Variants in PRUNE2 observed in about 807,000 individuals in gnomAD.
The protein encoded by PRUNE2 is prune homolog 2 with BCH domain, also known as protein prune homolog 2.
In PRUNE2, 164 loss-of-function variants were observed where a neutral mutation model predicts 252.0. The ratio of observed to expected loss-of-function variants is 0.65; its 90% CI spans 0.57 to 0.74. The LOEUF is 0.74. Ranked by LOEUF, PRUNE2 falls within the 30% of genes least tolerant of loss-of-function variation. PRUNE2 has a pLI of 0.00. For missense variants in PRUNE2, 3,495 were observed against 3,711.0 expected (o/e 0.94, Z 1.51); for synonymous variants, 1,292 against 1,350.2 (o/e 0.96, Z 0.94).
At chr9:76,680,156 A>G (rs1220846575) in intron 9 of PRUNE2, among the ~76,000 whole-genome samples, 1 of 152,210 alleles carries the variant, frequency 6.6e-6, no homozygotes, top group Non-Finnish European at 1.5e-5. Flanking sequence ...AAACCCAACA[A>G]CAAAAATGTA....
rs142459162 is a variant in PRUNE2, at chr9:76,843,543, GT to G, written c.508+2971del. On this transcript the variant is annotated intron_variant, in intron 4 of 18. Transcript: ENST00000376718. ...GCACCCAAAAATCCAAAGTAACATG[GT>G]AGCTGCTTATAAAGAGAACCCTTTC... 4.7e-3 allele frequency among the ~76,000 whole-genome samples: 723 copies of G among 152,220 alleles called. 6 individuals carry two copies. The highest frequency in any genetic ancestry group is 0.016 in the African/African-American group (685 of 41,526).
At chr9:76,851,668 A>G (rs1473665587) in intron 2 of PRUNE2, among the ~76,000 whole-genome samples, 1 of 152,198 alleles carries the variant, frequency 6.6e-6, no homozygotes, top group East Asian at 1.9e-4. Flanking sequence ...TCAGAACGTC[A>G]GTCAGTAGAA....
At chr9:76,663,064 G>C (rs2039423188) in intron 9 of PRUNE2, among the ~76,000 whole-genome samples, 1 of 152,216 alleles carries the variant, frequency 6.6e-6, no homozygotes. Context: ...CTCCATTTAA[G>C]CCAGCAGTAC....
intron 1 of PRUNE2, among the ~76,000 whole-genome samples, chr9:76,870,883 A>G (rs2061160461): frequency 6.6e-6 from 1 of 152,054 alleles, no homozygotes; most frequent in African/African-American, 2.4e-5. Flanking sequence ...ACGGCAGCAA[A>G]GAGTACCTCA....
chr9:76,885,537 A>G (rs2062036762), intron 1 of PRUNE2, among the ~76,000 whole-genome samples: 1 of 152,194 alleles, frequency 6.6e-6, no homozygotes, highest in Non-Finnish European at 1.5e-5. Context: ...ACAACCATTA[A>G]TGTCTACAGA....
chr9:76,816,298 C>G (rs1349089563), intron 6 of PRUNE2, among the ~76,000 whole-genome samples: 1 of 152,074 alleles, frequency 6.6e-6, no homozygotes, highest in Non-Finnish European at 1.5e-5. Flanking sequence ...GCTTCAGCCA[C>G]TTAGTACAAT....
chr9:76,682,511 G>C (rs759635242), intron 9 of PRUNE2, among the ~76,000 whole-genome samples: 3 of 151,806 alleles, frequency 2.0e-5, no homozygotes, highest in African/African-American at 7.2e-5. Context: ...ACAGGTATGC[G>C]CCACCCCGCC....
intron 12 of PRUNE2, among the ~76,000 whole-genome samples, chr9:76,640,998 A>T (rs1441253021): frequency 6.6e-6 from 1 of 152,088 alleles, no homozygotes; most frequent in African/African-American, 2.4e-5. Context: ...TTCGAAAGGG[A>T]AAGACTGAGG....
intron 17 of PRUNE2, among the ~76,000 whole-genome samples, chr9:76,622,337 A>G (rs1025233106): frequency 6.6e-6 from 1 of 152,134 alleles, no homozygotes; most frequent in African/African-American, 2.4e-5. Flanking sequence ...GAAAGCTACA[A>G]AACTACCCAA....
In PRUNE2 at chr9:76,709,887, G is replaced by A; in HGVS notation, c.2387C>T (p.Pro796Leu). Reference sequence around the variant, plus strand: ...ACCAAATGCACTCCAGGCTGGGAATGGCGCCACAGCTGCTGGTTCACCATC... The same window carrying A: ...ACCAAATGCACTCCAGGCTGGGAATAGCGCCACAGCTGCTGGTTCACCATC... ...TDDGEPAAVAPFPAWSAFGKE... is the reference protein window; with the variant it reads ...TDDGEPAAVALFPAWSAFGKE... Residue 796 changes from proline to leucine, a missense_variant, in exon 8 of 19, where the codon CCA (proline) becomes CTA (leucine). Transcript: ENST00000376718. 1.2e-6 allele frequency: 2 copies of A among 1,613,894 alleles called. No homozygotes were observed. Among genetic ancestry groups the A allele is most frequent in the Non-Finnish European group, 1.7e-6 (2 of 1,179,852 alleles).
intron 6 of PRUNE2, among the ~76,000 whole-genome samples, chr9:76,775,763 T>C (rs894270899): frequency 2.0e-5 from 3 of 152,234 alleles, no homozygotes; most frequent in Admixed American, 2.0e-4. Context: ...CTCTTGGGCC[T>C]TACCTCTCCC....
intron 11 of PRUNE2, among the ~76,000 whole-genome samples, chr9:76,645,876 T>C (rs1844633840): frequency 6.6e-6 from 1 of 152,226 alleles, no homozygotes; most frequent in East Asian, 1.9e-4. Flanking sequence ...TATGGCACTT[T>C]GATGATAATA....
At chr9:76,888,384 C>T (rs2062236682) in intron 1 of PRUNE2, among the ~76,000 whole-genome samples, 1 of 152,144 alleles carries the variant, frequency 6.6e-6, no homozygotes, top group Non-Finnish European at 1.5e-5. Context: ...CAAGACCATC[C>T]TGGCCAACAT....
chr9:76,644,895 TG>T lies in PRUNE2; in HGVS notation c.8571del (p.Asn2857LysfsTer40). ...FEYTGHDPTA[N>X]KDSGQESESI... ...GACTCTGACTCTTGGCCAGAATCTT[TG>T]TTGGCTGTGGGATCTTCTGGAAACA... On this transcript the variant is annotated frameshift_variant, in exon 12 of 19. Coordinates refer to ENST00000376718, the MANE Select transcript of PRUNE2 (RefSeq NM_015225.3). LOFTEE classifies it high-confidence loss of function. 1 of 1,613,546 alleles carries T rather than the reference TG, an allele frequency of 6.2e-7. No homozygotes were observed. The highest frequency in any genetic ancestry group is 8.5e-7 in the Non-Finnish European group (1 of 1,179,688).
At position 76,706,185 on chromosome 9, in the gene PRUNE2, T is replaced by C; in HGVS notation, c.6089A>G (p.Lys2030Arg). ...AGAGCCATCCCATTCAGAGCCTGGC[T>C]TCATTATCAGTTGGGTGGGAGAACT... The part of the protein sequence containing the change: ...AVSSPTQLIM[K>R]PGSEWDGSTP... Residue 2030 changes from lysine to arginine, a missense_variant, in exon 8 of 19, where the codon AAG becomes AGG. Lys to Arg is a conservative substitution (Grantham distance 26). Transcript: ENST00000376718. The C allele has an allele frequency of 6.2e-7, 1 of 1,614,012 alleles. No homozygotes were observed. The highest frequency in any genetic ancestry group is 8.5e-7 in the Non-Finnish European group (1 of 1,179,884).
At chr9:76,883,380 C>G (rs1051401016) in intron 1 of PRUNE2, among the ~76,000 whole-genome samples, 1 of 152,166 alleles carries the variant, frequency 6.6e-6, no homozygotes, top group African/African-American at 2.4e-5. Flanking sequence ...AGTTAAGATT[C>G]ATTATTTGTT....
chr9:76,642,545 C>G (rs1843032601), intron 12 of PRUNE2, among the ~76,000 whole-genome samples: 1 of 152,236 alleles, frequency 6.6e-6, no homozygotes, highest in Non-Finnish European at 1.5e-5. Flanking sequence ...GTAGCTGGCA[C>G]TTCTCTACTG....
At chr9:76,717,166 C>T (rs1046422512) in intron 6 of PRUNE2, among the ~76,000 whole-genome samples, 2 of 152,186 alleles carry the variant, frequency 1.3e-5, no homozygotes, top group Non-Finnish European at 2.9e-5. Context: ...TACAATAACC[C>T]TAAAACAGAT....
At chr9:76,894,182 G>A (rs754301625) in intron 1 of PRUNE2, among the ~76,000 whole-genome samples, 14 of 152,098 alleles carry the variant, frequency 9.2e-5, no homozygotes, top group Non-Finnish European at 1.6e-4. Context: ...CACAAGAATC[G>A]GCTAAAAGAC....
Sources: allele counts gnomAD v4.1 joint callset (sites outside exome capture counted in the v4.1 genomes callset), GRCh38; gene constraint gnomAD v4.1.1; transcripts MANE v1.5; gene names NCBI Gene and HGNC (gene_info 2026-07-23, HGNC 2026-07-21).